CLCN5: variants seen among roughly 807,000 people sequenced by gnomAD.
CLCN5 encodes Cl-/H+ antiporter 5, also known as H(+)/Cl(-) exchange transporter 5.
A neutral mutation model predicts 54.0 loss-of-function variants in CLCN5; 17 were observed. That is an observed-to-expected ratio of 0.31 (90% CI 0.22 to 0.47). The LOEUF (loss-of-function observed/expected upper bound fraction) is 0.47. Ranked by LOEUF, CLCN5 falls within the 20% of genes least tolerant of loss-of-function variation. CLCN5 has a pLI of 1.00. For synonymous variants in CLCN5, 222 were observed against 233.0 expected (o/e 0.95, Z 0.43); for missense variants, 448 against 646.7 (o/e 0.69, Z 3.33).
intron 3 of CLCN5, among the ~76,000 whole-genome samples, chrX:49,944,587 C>T (rs782274880): frequency 5.4e-5 from 6 of 111,574 alleles, no homozygotes; most frequent in African/African-American, 2.0e-4. Flanking sequence ...CCATCAATAC[C>T]GAATTTATTG....
At chrX:50,065,647 C>A (rs1468031628) in intron 4 of CLCN5, among the ~76,000 whole-genome samples, 2 of 90,613 alleles carry the variant, frequency 2.2e-5, no homozygotes, top group Non-Finnish European at 4.3e-5. Context: ...TTTGACCCAG[C>A]CATCCCATTA....
At chrX:49,936,921 TC>T (rs1313434442) in intron 3 of CLCN5, among the ~76,000 whole-genome samples, 1 of 111,535 alleles carries the variant, frequency 9.0e-6, no homozygotes, top group Non-Finnish European at 1.9e-5. Flanking sequence ...GGAATGCTGT[TC>T]ATTTCATTTA....
intron 3 of CLCN5, among the ~76,000 whole-genome samples, chrX:49,935,623 G>A (rs986474230): frequency 8.9e-6 from 1 of 111,757 alleles, no homozygotes; most frequent in South Asian, 3.7e-4. Context: ...AGAAGGGAAT[G>A]GGAGGAAGTG....
At chrX:49,987,562 A>T (rs1362596150) in intron 3 of CLCN5, among the ~76,000 whole-genome samples, 1 of 112,237 alleles carries the variant, frequency 8.9e-6, no homozygotes, top group Non-Finnish European at 1.9e-5. Context: ...CAAGGGGGAA[A>T]AACCATATTC....
chrX:50,041,633 T>C (rs563042172), intron 3 of CLCN5, among the ~76,000 whole-genome samples: 1 of 111,828 alleles, frequency 8.9e-6, no homozygotes, highest in East Asian at 2.8e-4. Context: ...GTCTAGTTTT[T>C]ATTTCAGTTG....
chrX:50,090,666 A>G lies in CLCN5; in HGVS notation c.2144-4A>G, dbSNP rs1934063391. Reference sequence around the variant, plus strand: ...CAATTTGTTTTTTCCTTCTGTTTGAATAGAAAATGCTCGAAAGAAACAGGA... The same window carrying G: ...CAATTTGTTTTTTCCTTCTGTTTGAGTAGAAAATGCTCGAAAGAAACAGGA... On this transcript the variant is annotated splice_region_variant and splice_polypyrimidine_tract_variant and intron_variant, in intron 13 of 14. Coordinates refer to ENST00000376091, the MANE Select transcript of CLCN5 (RefSeq NM_001127898.4). The G allele has an allele frequency of 8.3e-7, 1 of 1,203,137 alleles. No individual in the cohort carries two copies. Among genetic ancestry groups the G allele is most frequent in the Admixed American group, 2.2e-5 (1 of 45,109 alleles).
chrX:49,969,275 G>T (rs1430844227), intron 3 of CLCN5, among the ~76,000 whole-genome samples: 2 of 111,131 alleles, frequency 1.8e-5, no homozygotes, highest in Non-Finnish European at 3.8e-5. Context: ...ACAGGGTTTT[G>T]CCATGTTGGC....
chrX:50,011,556 A>G (rs1930503197), intron 3 of CLCN5, among the ~76,000 whole-genome samples: 1 of 112,200 alleles, frequency 8.9e-6, no homozygotes, highest in Non-Finnish European at 1.9e-5. Context: ...GCATGCAGAG[A>G]ACCCCACCTA....
chrX:49,929,520 A>C lies in CLCN5; in HGVS notation c.16+4206A>C, dbSNP rs1211840969. On this transcript the variant is annotated intron_variant, in intron 3 of 14. Coordinates refer to ENST00000376091, the MANE Select transcript of CLCN5 (RefSeq NM_001127898.4). ...GGTCTCTACTGTAATGGAACTTAAG[A>C]ACCAGGATAAAGGTAGCACTTCAAA... Among the ~76,000 whole-genome samples, 6 of 112,064 alleles carry C rather than the reference A, an allele frequency of 5.4e-5. No homozygotes were observed. The East Asian group carries it at 1.7e-3, about 31-fold the overall frequency.
At chrX:49,945,604 G>GTTTTTTTT (rs1162822439) in intron 3 of CLCN5, among the ~76,000 whole-genome samples, 105 of 71,102 alleles carry the variant, frequency 1.5e-3, no homozygotes, top group African/African-American at 3.8e-3. Flanking sequence ...CGCCCAGCTA[G>GTTTTTTTT]TTTTTTTTTT....
chrX:49,987,860 A>G (rs1192076318), intron 3 of CLCN5, among the ~76,000 whole-genome samples: 3 of 111,599 alleles, frequency 2.7e-5, no homozygotes, highest in Non-Finnish European at 5.6e-5. Flanking sequence ...CGGCTATTTT[A>G]ATATGCTCAC....
intron 3 of CLCN5, among the ~76,000 whole-genome samples, chrX:49,974,775 T>C (rs782566973): frequency 3.0e-4 from 34 of 111,783 alleles, no homozygotes; most frequent in Non-Finnish European, 4.7e-4. Context: ...AAGTGAAAGA[T>C]GATGCCAAGA....
chrX:49,960,263 GT>G (rs1445562835), intron 3 of CLCN5, among the ~76,000 whole-genome samples: 7 of 110,377 alleles, frequency 6.3e-5, no homozygotes, highest in African/African-American at 2.3e-4. Flanking sequence ...TTCAGCATCT[GT>G]TTTTTTCTGT....
chrX:50,003,566 C>T (rs1557180938), intron 3 of CLCN5: 1 of 372,861 alleles, frequency 2.7e-6, no homozygotes, highest in Non-Finnish European at 5.4e-6. Context: ...CTCCCACATG[C>T]AGGGTTTGCA....
intron 9 of CLCN5, among the ~76,000 whole-genome samples, chrX:50,082,580 TG>T (rs1487127119): frequency 1.4e-4 from 16 of 111,216 alleles, no homozygotes; most frequent in African/African-American, 4.9e-4. Context: ...CCCAAAGTGC[TG>T]GGATTACAGG....
At chrX:49,986,677 T>A (rs1557178320) in intron 3 of CLCN5, among the ~76,000 whole-genome samples, 1 of 112,138 alleles carries the variant, frequency 8.9e-6, no homozygotes, top group Non-Finnish European at 1.9e-5. Flanking sequence ...TCATTTCTCA[T>A]TTTTAATATA....
At chrX:49,945,278 G>A (rs1193664722) in intron 3 of CLCN5, 3 of 111,471 alleles carry the variant, frequency 2.7e-5, no homozygotes, top group African/African-American at 9.8e-5. Context: ...TTATTTCTTA[G>A]TATGAACTCA....
At chrX:50,052,594 G>A (rs1478220911) in intron 4 of CLCN5, among the ~76,000 whole-genome samples, 1 of 111,337 alleles carries the variant, frequency 9.0e-6, no homozygotes, top group African/African-American at 3.3e-5. Flanking sequence ...CAGTTTTCTG[G>A]AAGAGATTGG....
At chrX:50,009,083 CAT>C in intron 3 of CLCN5, 1 of 313,008 alleles carries the variant, frequency 3.2e-6, no homozygotes, top group Non-Finnish European at 6.4e-6. Flanking sequence ...CCTTCTTTCA[CAT>C]GTTTGTGTTT....
Sources: allele counts gnomAD v4.1 joint callset (sites outside exome capture counted in the v4.1 genomes callset), GRCh38; gene constraint gnomAD v4.1.1; transcripts MANE v1.5; gene names NCBI Gene and HGNC (gene_info 2026-07-23, HGNC 2026-07-21).